Variants in KIDINS220 observed in about 807,000 individuals in gnomAD.
KIDINS220 encodes the protein kinase D interacting substrate 220.
A neutral mutation model predicts 157.6 loss-of-function variants in KIDINS220; 63 were observed. The ratio of observed to expected loss-of-function variants is 0.40; its 90% CI spans 0.33 to 0.49. KIDINS220 has a LOEUF of 0.49. Among genes scored for constraint, KIDINS220 ranks in the 20% least tolerant of loss-of-function variants. The pLI is 0.66. For missense variants in KIDINS220, 1,772 were observed against 2,171.2 expected, an observed-to-expected ratio of 0.82 and a Z score of 3.65; for synonymous variants, 732 against 783.6, an observed-to-expected ratio of 0.93 and a Z score of 1.10.
intron 4 of KIDINS220, among the ~76,000 whole-genome samples, chr2:8,813,848 C>T (rs868187962): frequency 2.0e-5 from 3 of 152,024 alleles, no homozygotes; most frequent in African/African-American, 4.8e-5. Context: ...CACTTGAACC[C>T]GGGAGGCAGA....
intron 15 of KIDINS220, among the ~76,000 whole-genome samples, chr2:8,788,182 C>T (rs1010198060): frequency 2.0e-5 from 3 of 152,042 alleles, no homozygotes; most frequent in African/African-American, 4.8e-5. Context: ...GTGTTTCCCA[C>T]GGTATTTGAC....
intron 24 of KIDINS220, among the ~76,000 whole-genome samples, chr2:8,749,779 T>C (rs1315556195): frequency 1.3e-5 from 2 of 152,122 alleles, no homozygotes; most frequent in Admixed American, 6.6e-5. Flanking sequence ...ATACAAGATA[T>C]AACAAATAGA....
chr2:8,749,610 G>T (rs1308179768), intron 24 of KIDINS220, among the ~76,000 whole-genome samples: 1 of 151,978 alleles, frequency 6.6e-6, no homozygotes, highest in Non-Finnish European at 1.5e-5. Flanking sequence ...TCTAAAAATG[G>T]GCTACAGTGC....
chr2:8,799,695 A>G (rs1276310730), intron 9 of KIDINS220, among the ~76,000 whole-genome samples: 2 of 152,246 alleles, frequency 1.3e-5, no homozygotes, highest in Non-Finnish European at 2.9e-5. Flanking sequence ...AACATTTGGC[A>G]TAATAGTTAT....
chr2:8,775,332 G>A (rs528942525), intron 21 of KIDINS220, among the ~76,000 whole-genome samples: 5 of 152,292 alleles, frequency 3.3e-5, no homozygotes, highest in East Asian at 3.9e-4. Flanking sequence ...AAATGCGGTC[G>A]CCAAGGTAGC....
intron 18 of KIDINS220, among the ~76,000 whole-genome samples, chr2:8,779,447 C>T (rs947862531): frequency 6.6e-6 from 1 of 152,186 alleles, no homozygotes; most frequent in African/African-American, 2.4e-5. Flanking sequence ...ATTCATTTTT[C>T]TCACAGTGCC....
At chr2:8,781,133 AT>A (rs1226893792) in intron 17 of KIDINS220, among the ~76,000 whole-genome samples, 5 of 24,524 alleles carry the variant, frequency 2.0e-4, no homozygotes, top group African/African-American at 1.0e-3. Flanking sequence ...GAGTAACTAT[AT>A]TAATTATTAT....
chr2:8,785,606 A>C, intron 17 of KIDINS220, 135 bp downstream of exon 17: 1 of 805,626 alleles, frequency 1.2e-6, no homozygotes, highest in Non-Finnish European at 2.0e-6. Context: ...TGAACGAATG[A>C]ATGAATGAAC....
At chr2:8,819,505 T>A (rs1293709978) in intron 2 of KIDINS220, among the ~76,000 whole-genome samples, 1 of 152,074 alleles carries the variant, frequency 6.6e-6, no homozygotes, top group Non-Finnish European at 1.5e-5. Flanking sequence ...TTTCTGTAAG[T>A]GCCATGACAG....
Position 8,733,555 on chromosome 2 carries a change from A to C in KIDINS220, c.3942T>G (p.Pro1314=), listed in dbSNP as rs754026782. Residue 1314 remains proline (P), a synonymous_variant, in exon 29 of 30, where the codon CCT becomes CCG. Transcript: ENST00000256707. ...PARRASHNEL[P]HTELSSQTPY... is the part of the protein sequence containing the mutation. ...GCGTCTGGCTGGAGAGCTCGGTGTG[A>C]GGCAGCTCGTTGTGGGAAGCGCGGC... 4.3e-6 allele frequency: 7 copies of C among 1,614,102 alleles called. No individual in the cohort carries two copies. The South Asian group carries it at 7.7e-5, about 18-fold the overall frequency.
intron 26 of KIDINS220, among the ~76,000 whole-genome samples, chr2:8,744,414 A>C (rs1450129109): frequency 6.2e-5 from 4 of 64,662 alleles, no homozygotes; most frequent in Non-Finnish European, 9.7e-5. Flanking sequence ...ATATATATAT[A>C]TATATATATA....
At chr2:8,777,820 A>C (rs561174734) in intron 20 of KIDINS220, among the ~76,000 whole-genome samples, 3 of 152,198 alleles carry the variant, frequency 2.0e-5, no homozygotes, top group Non-Finnish European at 2.9e-5. Flanking sequence ...TTGCCAGGCA[A>C]GAAATTAAAA....
At chr2:8,794,069 A>G (rs1336126191) in intron 11 of KIDINS220, 82 bp from the exon 12 acceptor site, 2 of 1,077,822 alleles carry the variant, frequency 1.9e-6, no homozygotes, top group East Asian at 5.2e-5. Context: ...TGTTTCTGTA[A>G]AATAACAAAA....
chr2:8,758,052 GA>G (rs1281169464), intron 22 of KIDINS220, among the ~76,000 whole-genome samples: 4 of 152,090 alleles, frequency 2.6e-5, no homozygotes, highest in Admixed American at 1.3e-4. Flanking sequence ...TAGTAGAGAC[GA>G]GGTTTCACCA....
chr2:8,764,665 C>A (rs961202739), intron 22 of KIDINS220, among the ~76,000 whole-genome samples: 1 of 152,284 alleles, frequency 6.6e-6, no homozygotes, highest in East Asian at 1.9e-4. Flanking sequence ...AAACATTTTA[C>A]CCATATTTAA....
At chr2:8,810,744 C>T (rs1302758351) in intron 6 of KIDINS220, among the ~76,000 whole-genome samples, 1 of 152,128 alleles carries the variant, frequency 6.6e-6, no homozygotes, top group East Asian at 1.9e-4. Flanking sequence ...CAAGATCATG[C>T]CACTGCACTC....
At chr2:8,827,828 T>A (rs957307954) in intron 1 of KIDINS220, among the ~76,000 whole-genome samples, 2 of 152,210 alleles carry the variant, frequency 1.3e-5, no homozygotes, top group Admixed American at 6.5e-5. Context: ...AAAATTACAT[T>A]ACTTTTTTTA....
At chr2:8,823,032 G>C (rs2148418508) in intron 2 of KIDINS220, among the ~76,000 whole-genome samples, 1 of 152,190 alleles carries the variant, frequency 6.6e-6, no homozygotes, top group Non-Finnish European at 1.5e-5. Flanking sequence ...CTGAAGTGTA[G>C]TGGTGCAGTC....
In KIDINS220 at chr2:8,818,796, A is replaced by G; in HGVS notation, c.109-3T>C. ...ATCATCAGTGGAGTCTGGCCACACT[A>G]GAGAATATAAAAGACAAAGGGAACT... On this transcript the variant is annotated splice_polypyrimidine_tract_variant and splice_region_variant and intron_variant, in intron 2 of 29. Coordinates refer to ENST00000256707, the MANE Select transcript of KIDINS220 (RefSeq NM_020738.4). The G allele has an allele frequency of 6.4e-7, 1 of 1,563,508 alleles. No individual in the cohort carries two copies. The highest frequency in any genetic ancestry group is 2.3e-5 in the East Asian group (1 of 44,198).
Sources: allele counts gnomAD v4.1 joint callset (sites outside exome capture counted in the v4.1 genomes callset), GRCh38; gene constraint gnomAD v4.1.1; transcripts MANE v1.5; gene names NCBI Gene and HGNC (gene_info 2026-07-23, HGNC 2026-07-21).